CNBD1: variants seen among roughly 807,000 people sequenced by gnomAD.
CNBD1 encodes cyclic nucleotide-binding domain-containing protein 1.
A neutral mutation model predicts 54.4 loss-of-function variants in CNBD1; 71 were observed. That is an observed-to-expected ratio of 1.30 (90% CI 1.08 to 1.59). The LOEUF (loss-of-function observed/expected upper bound fraction) is 1.59, where lower values mean the gene tolerates loss of function less well. Among genes scored for constraint, CNBD1 ranks in the 40% most tolerant of loss-of-function variants. CNBD1 has a pLI of 0.00. For missense variants in CNBD1, 659 were observed against 518.0 expected, an observed-to-expected ratio of 1.27 and a Z score of -2.64; for synonymous variants, 182 against 170.7, an observed-to-expected ratio of 1.07 and a Z score of -0.51.
At chr8:86,888,665 T>G (rs6468523) in intron 2 of CNBD1, among the ~76,000 whole-genome samples, 89,977 of 151,902 alleles carry the variant, frequency 0.59, 27,164 homozygotes, top group African/African-American at 0.7. Flanking sequence ...TTTTATTATT[T>G]TTGTTATGCA....
At chr8:86,925,210 G>A (rs1809337627) in intron 3 of CNBD1, among the ~76,000 whole-genome samples, 1 of 152,092 alleles carries the variant, frequency 6.6e-6, no homozygotes, top group Non-Finnish European at 1.5e-5. Context: ...ACAAAGCCTG[G>A]AATTTGCCAA....
intron 5 of CNBD1, among the ~76,000 whole-genome samples, chr8:87,215,289 C>T (rs1326752930): frequency 1.3e-5 from 2 of 152,074 alleles, no homozygotes; most frequent in Non-Finnish European, 2.9e-5. Flanking sequence ...TTCATTTGGA[C>T]ATCAAGTAAC....
chr8:86,978,477 T>G (rs985793711), intron 4 of CNBD1, among the ~76,000 whole-genome samples: 1 of 151,852 alleles, frequency 6.6e-6, no homozygotes, highest in Non-Finnish European at 1.5e-5. Flanking sequence ...TTATAAAATA[T>G]TGTGGATTTG....
intron 6 of CNBD1, among the ~76,000 whole-genome samples, chr8:87,279,260 A>C (rs1332796484): frequency 6.6e-6 from 1 of 151,410 alleles, no homozygotes; most frequent in Non-Finnish European, 1.5e-5. Flanking sequence ...TAGACTAATC[A>C]ACAAAATGAT....
intron 4 of CNBD1, among the ~76,000 whole-genome samples, chr8:87,094,298 G>A (rs1811275039): frequency 6.6e-6 from 1 of 152,004 alleles, no homozygotes; most frequent in Admixed American, 6.6e-5. Flanking sequence ...CCCCAGGTAG[G>A]AGGGGCCCAA....
chr8:87,265,625 G>C (rs1477027585), intron 6 of CNBD1, among the ~76,000 whole-genome samples: 1 of 152,068 alleles, frequency 6.6e-6, no homozygotes, highest in Non-Finnish European at 1.5e-5. Flanking sequence ...ATTTGAGGAT[G>C]GCAGTTTCAA....
chr8:87,229,907 G>A (rs974173027), intron 5 of CNBD1, among the ~76,000 whole-genome samples: 3 of 152,158 alleles, frequency 2.0e-5, no homozygotes, highest in Non-Finnish European at 4.4e-5. Flanking sequence ...TACAAATAAT[G>A]TATTAGTCCG....
chr8:86,945,199 G>A (rs1416320804), intron 4 of CNBD1, among the ~76,000 whole-genome samples: 1 of 152,196 alleles, frequency 6.6e-6, no homozygotes, highest in Non-Finnish European at 1.5e-5. Context: ...GGAAAGGGTA[G>A]GAGAAGAGAG....
Position 87,047,062 on chromosome 8 carries a change from G to A in CNBD1, c.431+107308G>A, listed in dbSNP as rs76447683. 8.0e-3 allele frequency among the ~76,000 whole-genome samples: 1,218 copies of A among 152,230 alleles called. 16 individuals carry two copies. Among genetic ancestry groups the A allele is most frequent in the African/African-American group, 0.026 (1,092 of 41,534 alleles). ...TAAGTTTTTCAACATTTTATCTCAC[G>A]TGTTAGATTAGCTTTCTCCTTTTTT... On this transcript the variant is annotated intron_variant, in intron 4 of 10. Transcript: ENST00000518476.
intron 4 of CNBD1, among the ~76,000 whole-genome samples, chr8:87,007,470 C>T (rs1253742780): frequency 6.6e-6 from 1 of 151,990 alleles, no homozygotes; most frequent in African/African-American, 2.4e-5. Flanking sequence ...ATTTTGAGCC[C>T]TCAGTGCTAT....
chr8:86,982,784 TGTAA>T (rs1808516802), intron 4 of CNBD1, among the ~76,000 whole-genome samples: 1 of 152,176 alleles, frequency 6.6e-6, no homozygotes, highest in Admixed American at 6.5e-5. Context: ...CCTCTGTCTA[TGTAA>T]GTATTAGAAT....
chr8:87,419,198 T>C (rs75437958), intron 2 of CNBD1, among the ~76,000 whole-genome samples: 2,283 of 152,034 alleles, frequency 0.015, 59 homozygotes, highest in African/African-American at 0.049. Flanking sequence ...AAAAGCTACA[T>C]ATTGTACGAC....
chr8:87,405,749 C>T (rs757992414), intron 2 of CNBD1, among the ~76,000 whole-genome samples: 4 of 151,988 alleles, frequency 2.6e-5, no homozygotes, highest in African/African-American at 9.7e-5. Flanking sequence ...CTAACAATGC[C>T]GATAGCACAA....
At chr8:87,129,201 C>T (rs956665743) in intron 4 of CNBD1, among the ~76,000 whole-genome samples, 3 of 150,468 alleles carry the variant, frequency 2.0e-5, no homozygotes, top group African/African-American at 7.3e-5. Flanking sequence ...TGAAAATATT[C>T]CCTCCTTTTC....
At chr8:87,088,104 G>A (rs908990571) in intron 4 of CNBD1, among the ~76,000 whole-genome samples, 7 of 152,150 alleles carry the variant, frequency 4.6e-5, no homozygotes, top group Admixed American at 1.3e-4. Flanking sequence ...GGCCTAGTTT[G>A]TATGTGTGTC....
At chr8:87,352,650 G>A (rs995705119) in intron 9 of CNBD1, among the ~76,000 whole-genome samples, 5 of 152,218 alleles carry the variant, frequency 3.3e-5, no homozygotes, top group Admixed American at 6.5e-5. Flanking sequence ...AACATACTAT[G>A]TAGGGCCAAA....
intron 6 of CNBD1, among the ~76,000 whole-genome samples, chr8:87,253,695 T>C (rs1226673275): frequency 6.6e-6 from 1 of 152,088 alleles, no homozygotes; most frequent in African/African-American, 2.4e-5. Flanking sequence ...ATTGACAAAC[T>C]AGAACTAGGG....
intron 5 of CNBD1, among the ~76,000 whole-genome samples, chr8:87,231,021 G>A (rs1210595956): frequency 3.3e-5 from 5 of 152,196 alleles, no homozygotes; most frequent in South Asian, 4.2e-4. Flanking sequence ...GGCAGACGGC[G>A]AAATGGGAGC....
At chr8:87,385,099 G>A (rs924412216), downstream of CNBD1, among the ~76,000 whole-genome samples, 1 of 152,224 alleles carries the variant, frequency 6.6e-6, no homozygotes, top group Non-Finnish European at 1.5e-5. Context: ...GATCATTTGG[G>A]AGGGCATTAA....
Sources: gnomAD v4.1 joint callset for allele counts (sites outside exome capture counted in the v4.1 genomes callset) on GRCh38, gnomAD v4.1.1 for gene constraint, MANE v1.5 for transcripts, NCBI Gene and HGNC (gene_info 2026-07-23, HGNC 2026-07-21) for gene names.